The following ZNF41 variants were observed in gnomAD, a reference collection of about 807,000 sequenced individuals.
The protein encoded by ZNF41 is zinc finger protein 41.
Under a neutral mutation model 9.3 loss-of-function variants are expected in ZNF41, and 6 were observed. The observed-to-expected ratio is 0.65, with a 90% CI of 0.35 to 1.28. ZNF41 has a LOEUF of 1.28. ZNF41 is among the 50% of genes most tolerant of loss of function. The pLI is 0.03. For synonymous variants in ZNF41, 192 were observed against 207.1 expected (o/e 0.93, Z 0.63); for missense variants, 523 against 585.8 (o/e 0.89, Z 1.11).
At position 47,447,520 on chromosome X, in the gene ZNF41, T is replaced by G; in HGVS notation, c.2250A>C (p.Thr750=). 8.3e-7 allele frequency: 1 copy of G among 1,211,953 alleles called. No homozygotes were observed. The change falls in exon 5 of 5, where the codon ACA becomes ACC. Residue 750 remains threonine (T), a synonymous_variant. Transcript: ENST00000684689. The part of the protein sequence containing the change: ...IHTGKKPYAC[T]ECQKAFTDRS... ...TGTCAGTAAAGGCCTTCTGACATTC[T>G]GTACAAGCATAAGGTTTCTTTCCTG...
rs2056163517 is a variant in ZNF41 at position 47,447,606 on chromosome X, T to C, written c.2164A>G (p.Ser722Gly). The C allele has an allele frequency of 8.3e-7, 1 of 1,211,966 alleles. No homozygotes were observed. Among genetic ancestry groups the C allele is most frequent in the Non-Finnish European group, 1.1e-6 (1 of 895,479 alleles). Residue 722 changes from serine (S) to glycine (G), a missense_variant, in exon 5 of 5, where the codon AGT (serine) becomes GGT (glycine). Ser to Gly is a moderately conservative substitution (Grantham distance 56). Transcript: ENST00000684689. The part of the protein sequence containing the change: ...SHTGERHYEC[S>G]KCGKAFIQKA... ...TGGATGAAAGCTTTCCCACATTTAC[T>C]ACATTCATAGTGTCTTTCTCCAGTA... is the stretch of plus-strand genomic sequence containing the variant.
rs185604374 is a variant in ZNF41 at position 47,476,096 on chromosome X, T to G, written c.-280+6999A>C. The stretch of plus-strand genomic sequence containing the variant: ...GGCTGGGCACAGTGGCTCACATCTG[T>G]AATCCCAGTACTTTGGGAGGTCGAG... On this transcript the variant is annotated intron_variant, in intron 1 of 4. Coordinates refer to ENST00000684689, the MANE Select transcript of ZNF41 (RefSeq NM_001324144.2). Among the ~76,000 whole-genome samples the G allele has an allele frequency of 2.2e-3, 249 of 111,561 alleles. 1 individual carries two copies. Among genetic ancestry groups the G allele is most frequent in the African/African-American group, 7.8e-3 (239 of 30,763 alleles).
In ZNF41 at chrX:47,448,453, A is replaced by G. The variant is rs779841634; in HGVS notation, c.1317T>C (p.Tyr439=). ...HQRIHTGEKP[Y]VCADCGKAFI... ...AGGCCTTCCCACAGTCAGCGCATAC[A>G]TAAGGTTTCTCTCCCGTGTGGATTC... The change falls in exon 5 of 5, where the codon TAT becomes TAC. Residue 439 remains tyrosine, a synonymous_variant. Coordinates refer to ENST00000684689, the MANE Select transcript of ZNF41 (RefSeq NM_001324144.2). 2 of 1,209,483 alleles carry G rather than the reference A, an allele frequency of 1.7e-6. No individual in the cohort carries two copies. Among genetic ancestry groups the G allele is most frequent in the African/African-American group, 1.8e-5 (1 of 56,972 alleles).
rs761637546 is a variant in ZNF41, at chrX:47,449,470, C to T, written c.300G>A (p.Glu100=). ...CCTGTTGCTGCATTTTCCCAATAGCCTCACCTAAAAAGAAAATGAAAGAAA... is the reference window on the plus strand; with the variant it reads ...CCTGTTGCTGCATTTTCCCAATAGCTTCACCTAAAAAGAAAATGAAAGAAA... The part of the protein sequence containing the change: ...GEAPHQSCSG[E]AIGKMQQQGI... Residue 100 remains glutamate, a synonymous_variant, in exon 5 of 5, where the codon GAG becomes GAA. Transcript: ENST00000684689. 2 of 1,205,335 alleles carry T rather than the reference C, an allele frequency of 1.7e-6. No individual in the cohort carries two copies. Among genetic ancestry groups the T allele is most frequent in the Non-Finnish European group, 2.2e-6 (2 of 892,017 alleles).
In ZNF41 at chrX:47,456,369, C is replaced by T; in HGVS notation, c.102G>A (p.Val34=). ...EASVSFEDVT[V]DFSKEEWQHL... ...GCTGCCACTCCTCCTTGCTGAAGTC[C>T]ACAGTCACGTCCTCAAATGACACTG... The change falls in exon 3 of 5, where the codon GTG becomes GTA. Residue 34 remains valine (V), a synonymous_variant. Transcript: ENST00000684689. 8.3e-7 allele frequency: 1 copy of T among 1,211,584 alleles called. No individual in the cohort carries two copies. The highest frequency in any genetic ancestry group is 1.1e-6 in the Non-Finnish European group (1 of 895,447).
At position 47,483,204 on chromosome X, in the gene ZNF41, C is replaced by T. The variant is rs1385147711; in HGVS notation, c.-389G>A. On this transcript the variant is annotated 5_prime_UTR_variant, in exon 1 of 5. Transcript: ENST00000684689. ...TGCAGTTGCCGCGGGGGGAGTCGTG[C>T]GTGTCAGATTTAGGCCAGGAAGCGG... is the stretch of plus-strand genomic sequence containing the variant. 1.8e-5 allele frequency among the ~76,000 whole-genome samples: 2 copies of T among 111,513 alleles called. No homozygotes were observed. The highest frequency in any genetic ancestry group is 2.8e-4 in the East Asian group (1 of 3,514).
At chrX:47,477,701 A>C (rs1051782759) in intron 1 of ZNF41, among the ~76,000 whole-genome samples, 1 of 111,942 alleles carries the variant, frequency 8.9e-6, no homozygotes, top group East Asian at 2.8e-4. Flanking sequence ...GTGCCACATA[A>C]AACTTGTATT....
In ZNF41 at chrX:47,449,226, G is replaced by A. The variant is rs1210494272; in HGVS notation, c.544C>T (p.Leu182Phe). ...TGGAGTCTTTTAATTGAAGGAACAA[G>A]CTTGGTAGTCACATGAATTATTTTT... is the stretch of plus-strand genomic sequence containing the variant. ...IEKIIHVTTK[L>F]VPSIKRLHNC... The change falls in exon 5 of 5, where the codon CTT (leucine) becomes TTT (phenylalanine). Residue 182 changes from leucine to phenylalanine, a missense_variant. Leu to Phe is a conservative substitution (Grantham distance 22). Transcript: ENST00000684689. The A allele has an allele frequency of 8.3e-7, 1 of 1,211,235 alleles. No individual in the cohort carries two copies. Among genetic ancestry groups the A allele is most frequent in the East Asian group, 3.0e-5 (1 of 33,835 alleles).
chrX:47,467,579 G>T lies in ZNF41; in HGVS notation c.-98C>A. 9.6e-7 allele frequency: 1 copy of T among 1,042,956 alleles called. No homozygotes were observed. The highest frequency in any genetic ancestry group is 1.3e-6 in the Non-Finnish European group (1 of 766,660). The allele number at this position is 1,042,956 out of a possible 1,213,427, so 86.0% of individuals were successfully genotyped here. A position where few individuals can be genotyped will look rare whatever the true frequency, so the allele number is the denominator to read the frequency against. On this transcript the variant is annotated 5_prime_UTR_variant, in exon 2 of 5. Transcript: ENST00000684689. ...GGCATCTGTGGACTCAACCGGAGCTGCTGGGGCGAGGCAAGCAGGGGTCAG... is the reference window on the plus strand; with the variant it reads ...GGCATCTGTGGACTCAACCGGAGCTTCTGGGGCGAGGCAAGCAGGGGTCAG...
chrX:47,459,375 C>G (rs904266578), intron 2 of ZNF41, among the ~76,000 whole-genome samples: 1 of 109,375 alleles, frequency 9.1e-6, no homozygotes, highest in Non-Finnish European at 1.9e-5. Flanking sequence ...AGTACAGAAA[C>G]AGACCCACAT....
At chrX:47,456,435 A>G (rs765544016) in intron 2 of ZNF41, 37 bp from the exon 3 acceptor site, 7 of 1,209,081 alleles carry the variant, frequency 5.8e-6, no homozygotes, top group African/African-American at 1.7e-5. Context: ...CAGCATGGTC[A>G]GCACTGGGGG....
chrX:47,465,422 T>C (rs916272297), intron 2 of ZNF41, among the ~76,000 whole-genome samples: 1 of 112,298 alleles, frequency 8.9e-6, no homozygotes, highest in African/African-American at 3.2e-5. Context: ...AGATTTTAAA[T>C]GTTCACATCA....
chrX:47,470,583 C>T (rs1196055949), intron 1 of ZNF41, among the ~76,000 whole-genome samples: 1 of 103,345 alleles, frequency 9.7e-6, no homozygotes, highest in African/African-American at 3.5e-5. Context: ...AAAAATTAGC[C>T]GGGCGTGGTG....
At chrX:47,466,770 C>T (rs1259317403) in intron 2 of ZNF41, among the ~76,000 whole-genome samples, 1 of 110,969 alleles carries the variant, frequency 9.0e-6, no homozygotes, top group East Asian at 2.8e-4. Flanking sequence ...CCACCCACCT[C>T]GGCCTCCCAA....
At position 47,448,685 on chromosome X, in the gene ZNF41, T is replaced by C. The variant is rs1403000790; in HGVS notation, c.1085A>G (p.Lys362Arg). 1 of 1,210,172 alleles carries C rather than the reference T, an allele frequency of 8.3e-7. No homozygotes were observed. The highest frequency in any genetic ancestry group is 1.7e-5 in the African/African-American group (1 of 57,243). The change falls in exon 5 of 5, where the codon AAA becomes AGA. Residue 362 changes from lysine (K) to arginine (R), a missense_variant. Lys to Arg is a conservative substitution (Grantham distance 26, BLOSUM62 2). Transcript: ENST00000684689. ...GAGGTCTGATCTCTGGAAAAAGGCT[T>C]TTCCACATTCACTGCATTTGTAGGG... is the stretch of plus-strand genomic sequence containing the variant. ...QKPYKCSECG[K>R]AFFQRSDLFR...
intron 1 of ZNF41, among the ~76,000 whole-genome samples, chrX:47,469,848 TGAGA>T (rs1354762043): frequency 9.3e-6 from 1 of 107,868 alleles, no homozygotes; most frequent in African/African-American, 3.4e-5. Flanking sequence ...CCAGCCTGAG[TGAGA>T]GAGAGAGAGA....
chrX:47,466,029 ACACACATG>A (rs1388977053), intron 2 of ZNF41, among the ~76,000 whole-genome samples: 1 of 110,914 alleles, frequency 9.0e-6, no homozygotes, highest in Non-Finnish European at 1.9e-5. Context: ...ACGTATACTC[ACACACATG>A]CACACATGCA....
At chrX:47,476,620 A>C (rs1030527555) in intron 1 of ZNF41, among the ~76,000 whole-genome samples, 2 of 111,399 alleles carry the variant, frequency 1.8e-5, no homozygotes, top group Admixed American at 1.9e-4. Context: ...ACAAGATACC[A>C]CTTCACACCT....
At chrX:47,459,035 C>T (rs2056678343) in intron 2 of ZNF41, among the ~76,000 whole-genome samples, 1 of 110,641 alleles carries the variant, frequency 9.0e-6, no homozygotes, top group Non-Finnish European at 1.9e-5. Flanking sequence ...CTAGGATAGA[C>T]AAATAATCCA....
Sources: gnomAD v4.1 joint callset for allele counts (sites outside exome capture counted in the v4.1 genomes callset) on GRCh38, gnomAD v4.1.1 for gene constraint, MANE v1.5 for transcripts, NCBI Gene and HGNC (gene_info 2026-07-23, HGNC 2026-07-21) for gene names.